PDE3A: variants seen among roughly 807,000 people sequenced by gnomAD.
PDE3A encodes the protein phosphodiesterase 3A.
PDE3A carries 43 observed loss-of-function variants against 98.3 expected under a neutral mutation model. That is an observed-to-expected ratio of 0.44 (90% CI 0.34 to 0.56). The LOEUF is 0.56. Ranked by LOEUF, PDE3A falls within the 20% of genes least tolerant of loss-of-function variation. The pLI is 0.01. For synonymous variants in PDE3A, 663 were observed against 567.9 expected, an observed-to-expected ratio of 1.17 and a Z score of -2.38; for missense variants, 1,427 against 1,440.7, an observed-to-expected ratio of 0.99 and a Z score of 0.15.
intron 1 of PDE3A, among the ~76,000 whole-genome samples, chr12:20,442,325 G>T (rs1368698809): frequency 1.3e-5 from 2 of 152,142 alleles, no homozygotes; most frequent in Non-Finnish European, 2.9e-5. Context: ...ATATTGTAAT[G>T]GCTTACAACA....
chr12:20,377,797 A>G (rs1943598494), intron 1 of PDE3A, among the ~76,000 whole-genome samples: 1 of 151,654 alleles, frequency 6.6e-6, no homozygotes, highest in Non-Finnish European at 1.5e-5. Context: ...CTTTATATTA[A>G]CCTGATTTAT....
chr12:20,369,937 C>G lies in PDE3A; in HGVS notation c.653C>G (p.Thr218Ser). The change falls in exon 1 of 16, where the codon ACT becomes AGT. Residue 218 changes from threonine to serine, a missense_variant. By Grantham distance (58) the Thr-to-Ser change is moderately conservative. This residue lies in a region of PDE3A where 1,012 missense variants were observed against 886.5 expected (regional missense o/e 1.14). Transcript: ENST00000359062. ...LRLGVLMIAL[T>S]SAVRTVSLIS... ...CTGGGCGTCCTCATGATCGCCTTGA[C>G]TAGCGCGGTCAGGACCGTGTCCCTC... 1.9e-6 allele frequency: 3 copies of G among 1,613,488 alleles called. No individual in the cohort carries two copies. Among genetic ancestry groups the G allele is most frequent in the Non-Finnish European group, 2.5e-6 (3 of 1,180,004 alleles).
rs1173185557 is a variant in PDE3A, at chr12:20,679,708, G to T, written c.3185-322G>T. Among the ~76,000 whole-genome samples the T allele has an allele frequency of 3.3e-5, 5 of 151,956 alleles. No individual in the cohort carries two copies. The East Asian group carries it at 7.7e-4, about 23-fold the overall frequency. The stretch of plus-strand genomic sequence containing the variant: ...TGTGGAAAGTCTTGAGAGCCTGAAT[G>T]TAATGAGAATAATACCAAGATATAA... On this transcript the variant is annotated intron_variant, in intron 15 of 15. Coordinates refer to ENST00000359062, the MANE Select transcript of PDE3A (RefSeq NM_000921.5).
At chr12:20,600,042 A>G (rs1487879671) in intron 2 of PDE3A, among the ~76,000 whole-genome samples, 1 of 152,040 alleles carries the variant, frequency 6.6e-6, no homozygotes, top group Admixed American at 6.6e-5. Context: ...CCCAGTTCTT[A>G]CTTGTCCCTT....
At chr12:20,379,798 T>C (rs557134205) in intron 1 of PDE3A, among the ~76,000 whole-genome samples, 5 of 151,754 alleles carry the variant, frequency 3.3e-5, no homozygotes, top group African/African-American at 9.7e-5. Context: ...TTTTTGTTAC[T>C]TAAATATTTT....
rs1820560423 is a variant in PDE3A, at chr12:20,682,320, T to G, written c.*2049T>G. ...GTAAACCTTGATTGTGATTTCCAGT[T>G]TTTATTTTCTCTGACGTAGTAGAAA... On this transcript the variant is annotated 3_prime_UTR_variant, in exon 16 of 16. Transcript: ENST00000359062. 1 of 152,238 alleles carries G rather than the reference T, an allele frequency of 6.6e-6. No homozygotes were observed. The highest frequency in any genetic ancestry group is 2.4e-5 in the African/African-American group (1 of 41,474). 9.4% of individuals were successfully genotyped at this position (152,238 alleles called of 1,614,324 possible).
intron 1 of PDE3A, among the ~76,000 whole-genome samples, chr12:20,436,983 A>G (rs543400458): frequency 1.4e-3 from 209 of 152,114 alleles, no homozygotes; most frequent in Non-Finnish European, 2.4e-3. Flanking sequence ...CAGTTTTAAT[A>G]ATTATGACTT....
rs116990351 is a variant in PDE3A, at chr12:20,481,714, C to T, written c.961-74946C>T. Reference sequence around the variant, plus strand: ...AAATCCCCCAAACTCTACAGATTTTCGGCTTCAACAATTTATTCAGATTCT... The same window carrying T: ...AAATCCCCCAAACTCTACAGATTTTTGGCTTCAACAATTTATTCAGATTCT... On this transcript the variant is annotated intron_variant, in intron 1 of 15. Transcript: ENST00000359062. 7.1e-4 allele frequency among the ~76,000 whole-genome samples: 104 copies of T among 147,154 alleles called. 1 individual carries two copies. The East Asian group carries it at 0.018, about 25-fold the overall frequency.
At chr12:20,585,729 T>C (rs1227223880) in intron 2 of PDE3A, among the ~76,000 whole-genome samples, 1 of 152,236 alleles carries the variant, frequency 6.6e-6, no homozygotes, top group East Asian at 1.9e-4. Context: ...CCTTCAGCCT[T>C]AAGTTATCTT....
intron 1 of PDE3A, among the ~76,000 whole-genome samples, chr12:20,428,975 T>C (rs1944648624): frequency 6.6e-6 from 1 of 152,238 alleles, no homozygotes; most frequent in Admixed American, 6.5e-5. Flanking sequence ...AGAAATTTTA[T>C]ATTTCACAAA....
At chr12:20,408,810 T>G (rs375732264) in intron 1 of PDE3A, among the ~76,000 whole-genome samples, 3 of 152,358 alleles carry the variant, frequency 2.0e-5, no homozygotes, top group African/African-American at 7.2e-5. Context: ...CAGACTTTTC[T>G]AAATGCCATG....
chr12:20,371,922 G>A (rs1329568132), intron 1 of PDE3A, among the ~76,000 whole-genome samples: 3 of 152,104 alleles, frequency 2.0e-5, no homozygotes, highest in Admixed American at 6.5e-5. Context: ...TAGGGAAATA[G>A]GATGTTACTA....
chr12:20,520,843 A>G (rs760578814), intron 1 of PDE3A, among the ~76,000 whole-genome samples: 2 of 152,190 alleles, frequency 1.3e-5, no homozygotes, highest in Non-Finnish European at 2.9e-5. Context: ...TGTTTAGTGC[A>G]GTGAGTTCTC....
At position 20,680,254 on chromosome 12, in the gene PDE3A, CA is replaced by C; in HGVS notation, c.3413del (p.Lys1138SerfsTer8). ...ACCAAGAGGCGAGGAGATACCAACC[CA>C]AAAGCCAGACCAGTGACAATGGATA... ...GKPRGEEIPTQKPDQ is the reference protein window; with the variant it reads ...GKPRGEEIPTXKPDQ On this transcript the variant is annotated frameshift_variant, in exon 16 of 16. Transcript: ENST00000359062. LOFTEE classifies it high-confidence loss of function. The C allele has an allele frequency of 6.2e-7, 1 of 1,613,846 alleles. No individual in the cohort carries two copies. Among genetic ancestry groups the C allele is most frequent in the Non-Finnish European group, 8.5e-7 (1 of 1,179,882 alleles).
intron 1 of PDE3A, among the ~76,000 whole-genome samples, chr12:20,529,719 A>G (rs535967236): frequency 9.2e-5 from 14 of 152,236 alleles, no homozygotes; most frequent in African/African-American, 2.9e-4. Context: ...GCCTGTTGAC[A>G]TCTAGATTTC....
intron 2 of PDE3A, among the ~76,000 whole-genome samples, chr12:20,584,493 A>G (rs1236875289): frequency 1.3e-5 from 2 of 152,166 alleles, no homozygotes; most frequent in Admixed American, 6.5e-5. Flanking sequence ...TTACCAGGAC[A>G]GGATTTATAC....
intron 1 of PDE3A, among the ~76,000 whole-genome samples, chr12:20,450,335 A>C (rs1464676768): frequency 6.6e-6 from 1 of 152,218 alleles, no homozygotes; most frequent in Non-Finnish European, 1.5e-5. Flanking sequence ...CACAGATGTG[A>C]ATTAGCCCTT....
intron 9 of PDE3A, among the ~76,000 whole-genome samples, chr12:20,639,103 CA>C (rs1397766390): frequency 2.8e-4 from 42 of 152,190 alleles, no homozygotes; most frequent in African/African-American, 9.4e-4. Flanking sequence ...GTTATGATAG[CA>C]GTCAGTTTTA....
At chr12:20,675,084 C>A (rs371404010) in intron 15 of PDE3A, among the ~76,000 whole-genome samples, 18 of 152,006 alleles carry the variant, frequency 1.2e-4, no homozygotes, top group African/African-American at 4.3e-4. Flanking sequence ...TTGTGTTAAA[C>A]TTCCTTTTGA....
Sources: allele counts gnomAD v4.1 joint callset (sites outside exome capture counted in the v4.1 genomes callset), GRCh38; gene constraint gnomAD v4.1.1; regional missense constraint gnomAD v4.1.1; transcripts MANE v1.5; gene names NCBI Gene and HGNC (gene_info 2026-07-23, HGNC 2026-07-21).